TMC5: variants seen among roughly 807,000 people sequenced by gnomAD.
The protein encoded by TMC5 is transmembrane channel-like protein 5.
A neutral mutation model predicts 110.5 loss-of-function variants in TMC5; 86 were observed. The observed-to-expected ratio is 0.78, with a 90% confidence interval of 0.65 to 0.93. The LOEUF (loss-of-function observed/expected upper bound fraction) is 0.93. TMC5 is among the 40% of genes least tolerant of loss of function. The pLI, the probability that TMC5 is intolerant of heterozygous loss-of-function variation, is 0.00. For missense variants in TMC5, 1,144 were observed against 1,222.8 expected, an observed-to-expected ratio of 0.94 and a Z score of 0.96; for synonymous variants, 455 against 439.5, an observed-to-expected ratio of 1.04 and a Z score of -0.44.
In TMC5 at chr16:19,445,239, G is replaced by C. The variant is rs182371173; in HGVS notation, c.958+989G>C. ...GTATAGATAAGATGCTTAGCTCCAGGAGGCAAAGGAAATTCTAAACAGTTT... is the reference window on the plus strand; with the variant it reads ...GTATAGATAAGATGCTTAGCTCCAGCAGGCAAAGGAAATTCTAAACAGTTT... On this transcript the variant is annotated intron_variant, in intron 4 of 21. Transcript: ENST00000542583. Among the ~76,000 whole-genome samples, 9 of 151,432 alleles carry C rather than the reference G, an allele frequency of 5.9e-5. No homozygotes were observed. The East Asian group carries it at 1.7e-3, about 29-fold the overall frequency.
chr16:19,492,026 T>G, intron 18 of TMC5, 124 bp from the exon 19 acceptor site: 1 of 754,712 alleles, frequency 1.3e-6, no homozygotes, highest in Non-Finnish European at 2.3e-6. Context: ...GACATGACTT[T>G]TCAGAAACAT....
At chr16:19,452,380 T>A (rs571365973) in intron 5 of TMC5, among the ~76,000 whole-genome samples, 31 of 152,164 alleles carry the variant, frequency 2.0e-4, no homozygotes, top group African/African-American at 6.7e-4. Context: ...GGCCTTTTAT[T>A]GGGAGGCTTC....
chr16:19,433,310 G>A (rs1967233417), intron 2 of TMC5, among the ~76,000 whole-genome samples: 1 of 152,242 alleles, frequency 6.6e-6, no homozygotes, highest in Admixed American at 6.5e-5. Flanking sequence ...TCCCATGGCA[G>A]TGGAAGGGGA....
chr16:19,419,415 T>TG (rs1567294481), intron 1 of TMC5, among the ~76,000 whole-genome samples: 2 of 131,788 alleles, frequency 1.5e-5, no homozygotes, highest in African/African-American at 5.7e-5. Context: ...TTTTTTTTTT[T>TG]TTTTTTTTTT....
At chr16:19,430,079 A>G (rs1027600180) in intron 1 of TMC5, among the ~76,000 whole-genome samples, 3 of 152,210 alleles carry the variant, frequency 2.0e-5, no homozygotes, top group African/African-American at 7.2e-5. Context: ...AAAGTCACAC[A>G]CCACATTTAC....
At chr16:19,448,298 ACACACG>A (rs199620266) in intron 4 of TMC5, among the ~76,000 whole-genome samples, 9,904 of 87,576 alleles carry the variant, frequency 0.11, 633 homozygotes, top group African/African-American at 0.25. Flanking sequence ...TTATTTACAC[ACACACG>A]CACACACACA....
At chr16:19,485,618 G>T (rs1308839298) in intron 15 of TMC5, among the ~76,000 whole-genome samples, 2 of 152,138 alleles carry the variant, frequency 1.3e-5, no homozygotes, top group African/African-American at 2.4e-5. Context: ...ATTTTTAAGG[G>T]AGTCTTTATT....
chr16:19,488,124 A>G lies in TMC5; in HGVS notation c.2573+798A>G, dbSNP rs546904356. ...GGGCGGTTGCGGGTGTGGGATCTGGATTGGTTGGTTTGCATTTGAAAGGTG... is the reference window on the plus strand; with the variant it reads ...GGGCGGTTGCGGGTGTGGGATCTGGGTTGGTTGGTTTGCATTTGAAAGGTG... On this transcript the variant is annotated intron_variant, in intron 17 of 21. Transcript: ENST00000542583. Among the ~76,000 whole-genome samples the G allele has an allele frequency of 5.9e-5, 9 of 152,088 alleles. No homozygotes were observed. The East Asian group carries it at 1.5e-3, about 26-fold the overall frequency.
intron 12 of TMC5, among the ~76,000 whole-genome samples, chr16:19,476,345 G>A (rs372757644): frequency 1.3e-4 from 20 of 151,916 alleles, no homozygotes; most frequent in African/African-American, 4.1e-4. Context: ...AGACCCTGTC[G>A]GAAGAAAGAA....
rs546994526 is a variant in TMC5, at chr16:19,438,784, G to T, written c.-79-1176G>T. Among the ~76,000 whole-genome samples, 10 of 152,192 alleles carry T rather than the reference G, an allele frequency of 6.6e-5. 1 individual carries two copies. The East Asian group carries it at 1.5e-3, about 23-fold the overall frequency. ...ACGAAAAGAAAAGAAAATTAAAACTGCATCACCTCTTATTTCAAAGTGTTA... is the reference window on the plus strand; with the variant it reads ...ACGAAAAGAAAAGAAAATTAAAACTTCATCACCTCTTATTTCAAAGTGTTA... On this transcript the variant is annotated intron_variant, in intron 2 of 21. Coordinates refer to ENST00000542583, the MANE Select transcript of TMC5 (RefSeq NM_001261841.2).
At chr16:19,448,666 T>A (rs9796961) in intron 4 of TMC5, among the ~76,000 whole-genome samples, 143,722 of 145,342 alleles carry the variant, frequency 0.99, 71,060 homozygotes, top group East Asian at 1. Context: ...TATATTATAT[T>A]TTATATTAAA....
intron 12 of TMC5, among the ~76,000 whole-genome samples, chr16:19,476,543 C>A (rs1434951195): frequency 6.6e-6 from 1 of 152,106 alleles, no homozygotes; most frequent in Non-Finnish European, 1.5e-5. Flanking sequence ...AAAATACCAT[C>A]TACTAGATGA....
At chr16:19,458,747 G>C (rs2143556332) in intron 5 of TMC5, among the ~76,000 whole-genome samples, 1 of 152,174 alleles carries the variant, frequency 6.6e-6, no homozygotes, top group Non-Finnish European at 1.5e-5. Context: ...TTCCTACCCA[G>C]GAAGAGGCAC....
chr16:19,486,461 C>T (rs768396881), intron 15 of TMC5, among the ~76,000 whole-genome samples: 1 of 152,166 alleles, frequency 6.6e-6, no homozygotes, highest in Non-Finnish European at 1.5e-5. Flanking sequence ...ACTGCAACCT[C>T]CGCCTCCCAG....
At chr16:19,438,231 C>T (rs1967390203) in intron 2 of TMC5, among the ~76,000 whole-genome samples, 1 of 150,736 alleles carries the variant, frequency 6.6e-6, no homozygotes, top group Non-Finnish European at 1.5e-5. Flanking sequence ...CCCATCTCTA[C>T]AGAAAATGAA....
At chr16:19,485,203 A>G (rs1420127227) in intron 15 of TMC5, among the ~76,000 whole-genome samples, 1 of 151,234 alleles carries the variant, frequency 6.6e-6, no homozygotes, top group African/African-American at 2.4e-5. Context: ...GTGCTGGGAT[A>G]ACAGGAGTGA....
At chr16:19,480,928 T>C in intron 14 of TMC5, among the ~76,000 whole-genome samples, 1 of 152,098 alleles carries the variant, frequency 6.6e-6, no homozygotes, top group East Asian at 1.9e-4. Flanking sequence ...AATGGAAACT[T>C]GGTTTCCTTC....
chr16:19,439,651 T>C (rs1967434105), intron 2 of TMC5, among the ~76,000 whole-genome samples: 1 of 152,190 alleles, frequency 6.6e-6, no homozygotes, highest in Non-Finnish European at 1.5e-5. Context: ...TTTGTGTGCA[T>C]GACCCAAGAT....
At chr16:19,450,792 TTGG>T (rs1967730863) in intron 5 of TMC5, among the ~76,000 whole-genome samples, 1 of 152,186 alleles carries the variant, frequency 6.6e-6, no homozygotes, top group South Asian at 2.1e-4. Flanking sequence ...AATGCCTGTG[TTGG>T]TGGGGACAAG....
Sources: allele counts gnomAD v4.1 joint callset (sites outside exome capture counted in the v4.1 genomes callset), GRCh38; gene constraint gnomAD v4.1.1; transcripts MANE v1.5; gene names NCBI Gene and HGNC (gene_info 2026-07-23, HGNC 2026-07-21).